Variants in PEAK1 observed in about 807,000 individuals in gnomAD.
The protein encoded by PEAK1 is inactive tyrosine-protein kinase PEAK1.
A neutral mutation model predicts 124.7 loss-of-function variants in PEAK1; 54 were observed. The observed-to-expected ratio is 0.43, with a 90% CI of 0.35 to 0.54. The LOEUF (loss-of-function observed/expected upper bound fraction) is 0.54, where lower values mean the gene tolerates loss of function less well. Among genes scored for constraint, PEAK1 ranks in the 20% least tolerant of loss-of-function variants. The probability of loss-of-function intolerance (pLI) is 0.01; values close to 1 mark genes in which losing one functional copy is unlikely to be tolerated. For missense variants in PEAK1, 2,046 were observed against 2,134.5 expected, an observed-to-expected ratio of 0.96 and a Z score of 0.82; for synonymous variants, 719 against 760.0, an observed-to-expected ratio of 0.95 and a Z score of 0.89.
intron 5 of PEAK1, among the ~76,000 whole-genome samples, chr15:77,258,442 C>G (rs1424558539): frequency 6.6e-6 from 1 of 152,120 alleles, no homozygotes; most frequent in Non-Finnish European, 1.5e-5. Flanking sequence ...AGGTCCTTCA[C>G]GTCCCTTGTA....
chr15:77,240,818 A>C (rs1053509971), intron 6 of PEAK1, among the ~76,000 whole-genome samples: 3 of 152,118 alleles, frequency 2.0e-5, no homozygotes, highest in African/African-American at 7.2e-5. Flanking sequence ...AATCCTCAAA[A>C]ACAAATTCTG....
intron 2 of PEAK1, chr15:77,333,041 T>C: frequency 1.0e-6 from 1 of 973,076 alleles, no homozygotes; most frequent in Non-Finnish European, 1.2e-6. Flanking sequence ...TTAAAGGTGT[T>C]AAATTTTTAT....
At chr15:77,214,790 T>G (rs2059072764) in intron 6 of PEAK1, among the ~76,000 whole-genome samples, 1 of 151,826 alleles carries the variant, frequency 6.6e-6, no homozygotes, top group African/African-American at 2.4e-5. Context: ...GAAGTGAAGA[T>G]GAAGGTGTCA....
rs767419697 is a variant in PEAK1 at position 77,180,935 on chromosome 15, C to T, written c.992G>A (p.Gly331Glu). The T allele has an allele frequency of 1.6e-5, 26 of 1,613,978 alleles. No homozygotes were observed. Among genetic ancestry groups the T allele is most frequent in the Non-Finnish European group, 2.1e-5 (25 of 1,180,018 alleles). Residue 331 changes from glycine to glutamate, a missense_variant, in exon 7 of 10, where the codon GGA becomes GAA. Gly to Glu is a moderately conservative substitution (Grantham distance 98). Coordinates refer to ENST00000682557, the MANE Select transcript of PEAK1 (RefSeq NM_001385026.1). ...AGATGACACCATGCTCTGAATGCTT[C>T]CTTGTCCATAAGAGACCACAGAATT... ...EENSVVSYGQ[G>E]SIQSMVSSDS... is the part of the protein sequence containing the mutation.
intron 6 of PEAK1, among the ~76,000 whole-genome samples, chr15:77,188,162 C>A (rs1014923031): frequency 6.6e-6 from 1 of 152,148 alleles, no homozygotes; most frequent in Non-Finnish European, 1.5e-5. Flanking sequence ...AATTATCATT[C>A]CTTGCTATCA....
At chr15:77,362,721 A>G (rs2067972140) in intron 2 of PEAK1, among the ~76,000 whole-genome samples, 1 of 152,244 alleles carries the variant, frequency 6.6e-6, no homozygotes, top group Non-Finnish European at 1.5e-5. Flanking sequence ...ATAAGTGTTC[A>G]CAGCAGAATT....
At chr15:77,232,640 A>G (rs2059955726) in intron 6 of PEAK1, among the ~76,000 whole-genome samples, 1 of 152,152 alleles carries the variant, frequency 6.6e-6, no homozygotes, top group Non-Finnish European at 1.5e-5. Flanking sequence ...TACCTTTACA[A>G]TGGAAGAAGT....
intron 2 of PEAK1, among the ~76,000 whole-genome samples, chr15:77,316,753 C>G (rs578050219): frequency 2.6e-5 from 4 of 152,172 alleles, no homozygotes; most frequent in Admixed American, 1.3e-4. Context: ...ATATGTATAC[C>G]TATGGAAAAA....
intron 5 of PEAK1, chr15:77,255,418 C>T: frequency 2.1e-6 from 2 of 970,548 alleles, no homozygotes; most frequent in Non-Finnish European, 2.5e-6. Flanking sequence ...AAAAGTTCTT[C>T]TCTCCCTGCA....
rs558911247 is a variant in PEAK1 at position 77,153,020 on chromosome 15, G to A, written c.3331+5483C>T. 2.8e-4 allele frequency among the ~76,000 whole-genome samples: 43 copies of A among 152,280 alleles called. No individual in the cohort carries two copies. In the East Asian group the frequency reaches 3.7e-3, roughly 13 times the overall value. ...TGGCCTCATAAAATGAGTTAGGGAG[G>A]ATTCCCTCTTTTTCTATTGATTGGA... On this transcript the variant is annotated intron_variant, in intron 8 of 9. Transcript: ENST00000682557.
chr15:77,217,578 C>T (rs2059205132), intron 6 of PEAK1, among the ~76,000 whole-genome samples: 1 of 152,134 alleles, frequency 6.6e-6, no homozygotes, highest in East Asian at 1.9e-4. Context: ...TAGGCATCTA[C>T]CTCATAGTTC....
At chr15:77,401,377 T>C (rs1242111736) in intron 1 of PEAK1, among the ~76,000 whole-genome samples, 1 of 152,198 alleles carries the variant, frequency 6.6e-6, no homozygotes, top group East Asian at 1.9e-4. Flanking sequence ...ATTTAAGCAG[T>C]GGTTTAATTT....
At chr15:77,371,531 CCACCACCAT>C (rs1448732139) in intron 1 of PEAK1, 8 of 772,716 alleles carry the variant, frequency 1.0e-5, no homozygotes, top group African/African-American at 3.8e-5. Context: ...ACCACCACCA[CCACCACCAT>C]CATCATCATG....
At chr15:77,234,783 G>A (rs1344450601) in intron 6 of PEAK1, among the ~76,000 whole-genome samples, 1 of 151,796 alleles carries the variant, frequency 6.6e-6, no homozygotes, top group Admixed American at 6.6e-5. Flanking sequence ...CTACAGGTAT[G>A]GACCACCATG....
intron 2 of PEAK1, chr15:77,349,543 T>A: frequency 1.0e-6 from 1 of 984,664 alleles, no homozygotes; most frequent in Non-Finnish European, 1.2e-6. Context: ...ATTCTGTTTG[T>A]TCATAGATTA....
intron 2 of PEAK1, among the ~76,000 whole-genome samples, chr15:77,301,721 C>T (rs1053944711): frequency 6.6e-6 from 1 of 152,116 alleles, no homozygotes; most frequent in Non-Finnish European, 1.5e-5. Context: ...TGTAATGTTA[C>T]CCTTTCTGTA....
intron 1 of PEAK1, among the ~76,000 whole-genome samples, chr15:77,398,121 T>C (rs2071054524): frequency 6.6e-6 from 1 of 152,060 alleles, no homozygotes; most frequent in Non-Finnish European, 1.5e-5. Context: ...TAAAAAGTCA[T>C]CCAGCAAAGA....
intron 9 of PEAK1, among the ~76,000 whole-genome samples, chr15:77,122,126 A>T (rs775905301): frequency 6.6e-6 from 1 of 152,196 alleles, no homozygotes; most frequent in African/African-American, 2.4e-5. Flanking sequence ...TTCAAAATAG[A>T]TTAAGTGTTT....
Position 77,161,204 on chromosome 15 carries a change from A to C in PEAK1, c.3138-2508T>G, listed in dbSNP as rs78120332. On this transcript the variant is annotated intron_variant, in intron 7 of 9. Transcript: ENST00000682557. The stretch of plus-strand genomic sequence containing the variant: ...TTAATCATGCTCTGACACTCAGATA[A>C]ACCATAGATTCCACTGAGTTCTGGA... 2.4e-3 allele frequency among the ~76,000 whole-genome samples: 359 copies of C among 152,324 alleles called. 1 individual carries two copies. Among genetic ancestry groups the C allele is most frequent in the African/African-American group, 8.2e-3 (341 of 41,568 alleles).
Sources: allele counts gnomAD v4.1 joint callset (sites outside exome capture counted in the v4.1 genomes callset), GRCh38; gene constraint gnomAD v4.1.1; transcripts MANE v1.5; gene names NCBI Gene and HGNC (gene_info 2026-07-23, HGNC 2026-07-21).